ATP11A: variants seen among roughly 807,000 people sequenced by gnomAD.
ATP11A encodes the protein phospholipid-transporting ATPase IH.
Under a neutral mutation model 154.4 loss-of-function variants are expected in ATP11A, and 81 were observed. The ratio of observed to expected loss-of-function variants is 0.52; its 90% CI spans 0.44 to 0.63. The LOEUF is 0.63. Among genes scored for constraint, ATP11A ranks in the 30% least tolerant of loss-of-function variants. The pLI is 0.00. For synonymous variants in ATP11A, 623 were observed against 585.9 expected (o/e 1.06, Z -0.91); for missense variants, 1,316 against 1,474.3 (o/e 0.89, Z 1.76).
rs190445486 is a variant in ATP11A at position 112,711,964 on chromosome 13, C to T, written c.39+21509C>T. Among the ~76,000 whole-genome samples the T allele has an allele frequency of 1.4e-4, 22 of 152,334 alleles. No homozygotes were observed. In the East Asian group the frequency reaches 4.0e-3, roughly 28 times the overall value. ...TTAGTTAATTAACATTCCTAGGAAT[C>T]TGAGGCTCCTTCTCCCAGCCCTGTT... is the stretch of plus-strand genomic sequence containing the variant. On this transcript the variant is annotated intron_variant, in intron 1 of 29. Coordinates refer to ENST00000375645, the MANE Select transcript of ATP11A (RefSeq NM_015205.3).
chr13:112,783,786 A>G (rs983502118), intron 1 of ATP11A, among the ~76,000 whole-genome samples: 1 of 152,234 alleles, frequency 6.6e-6, no homozygotes, highest in Non-Finnish European at 1.5e-5. Context: ...TACGAGCTAA[A>G]GTATTTTTGT....
chr13:112,722,971 A>T (rs1411222638), intron 1 of ATP11A, among the ~76,000 whole-genome samples: 2 of 152,070 alleles, frequency 1.3e-5, no homozygotes, highest in African/African-American at 4.8e-5. Context: ...AGATTCTTTA[A>T]TTTGCAGTTG....
rs1342147621 is a variant in ATP11A, at chr13:112,881,128, C to T, written c.*10-748C>T. ...GACATGGAGGCCATGAAGACATCTG[C>T]TCCTGCCAGCATCCGCCGCTGCCCC... On this transcript the variant is annotated intron_variant, in intron 29 of 29. Coordinates refer to ENST00000375645, the MANE Select transcript of ATP11A (RefSeq NM_015205.3). The T allele has an allele frequency of 4.0e-6, 4 of 987,872 alleles. No individual in the cohort carries two copies. In the African/African-American group the frequency reaches 7.0e-5, roughly 17 times the overall value. The allele number at this position is 987,872 out of a possible 1,614,324, so 61.2% of individuals were successfully genotyped here. A position where few individuals can be genotyped will look rare whatever the true frequency, so the allele number is the denominator to read the frequency against.
Position 112,834,610 on chromosome 13 carries a change from G to A in ATP11A, c.1581G>A (p.Arg527=), listed in dbSNP as rs2079182399. The stretch of plus-strand genomic sequence containing the variant: ...GCAGACTTGGCTTTACCTACCTAAG[G>A]CTGAAGGACAATTACATGGAGATAT... ...GVQRLGFTYL[R]LKDNYMEILN... is the part of the protein sequence containing the mutation. Residue 527 remains arginine (R), a synonymous_variant, in exon 15 of 30, where the codon AGG becomes AGA. Transcript: ENST00000375645. The A allele has an allele frequency of 1.2e-6, 2 of 1,613,970 alleles. No homozygotes were observed. The highest frequency in any genetic ancestry group is 1.7e-6 in the Non-Finnish European group (2 of 1,179,872).
chr13:112,744,082 T>C (rs566586461), intron 1 of ATP11A, among the ~76,000 whole-genome samples: 2 of 152,354 alleles, frequency 1.3e-5, no homozygotes, highest in East Asian at 3.9e-4. Context: ...AGTGGGCCAC[T>C]TGCCTCTTTC....
intron 1 of ATP11A, among the ~76,000 whole-genome samples, chr13:112,767,809 G>C (rs1192021854): frequency 1.3e-5 from 2 of 152,132 alleles, no homozygotes; most frequent in Non-Finnish European, 2.9e-5. Flanking sequence ...TGCGTCTGTG[G>C]TGGTGGGCTT....
chr13:112,741,535 G>A (rs930779263), intron 1 of ATP11A, among the ~76,000 whole-genome samples: 4 of 152,190 alleles, frequency 2.6e-5, no homozygotes, highest in African/African-American at 9.7e-5. Flanking sequence ...CAGGCTGCCC[G>A]TTGCATCAGC....
chr13:112,723,422 C>T, intron 1 of ATP11A, among the ~76,000 whole-genome samples: 1 of 143,654 alleles, frequency 7.0e-6, no homozygotes, highest in Non-Finnish European at 1.5e-5. Flanking sequence ...CAGGCACACA[C>T]CACCACACCT....
intron 1 of ATP11A, among the ~76,000 whole-genome samples, chr13:112,708,846 G>A (rs1887443244): frequency 6.6e-6 from 1 of 152,214 alleles, no homozygotes; most frequent in Admixed American, 6.5e-5. Flanking sequence ...AGGGGGAGGG[G>A]GAGTTTGTGC....
At chr13:112,721,464 G>A (rs1889171108) in intron 1 of ATP11A, among the ~76,000 whole-genome samples, 1 of 152,238 alleles carries the variant, frequency 6.6e-6, no homozygotes, top group South Asian at 2.1e-4. Flanking sequence ...ACTCCAGGCA[G>A]GGCCCAGAGG....
chr13:112,833,227 G>T (rs1314202034), intron 14 of ATP11A, among the ~76,000 whole-genome samples: 3 of 152,114 alleles, frequency 2.0e-5, no homozygotes, highest in South Asian at 2.1e-4. Context: ...TCTGGTCCCC[G>T]GCGCGTGAGT....
chr13:112,787,722 A>T (rs1290918514), intron 2 of ATP11A, among the ~76,000 whole-genome samples: 4 of 150,566 alleles, frequency 2.7e-5, no homozygotes, highest in Admixed American at 6.6e-5. Context: ...GACCTACTTA[A>T]TCCACACCGG....
At chr13:112,714,210 C>G (rs976133833) in intron 1 of ATP11A, among the ~76,000 whole-genome samples, 7 of 150,298 alleles carry the variant, frequency 4.7e-5, no homozygotes, top group African/African-American at 7.4e-5. Context: ...CTGTCTTGCA[C>G]CCGCTCTCTT....
At position 112,728,291 on chromosome 13, in the gene ATP11A, C is replaced by T. The variant is rs144815721; in HGVS notation, c.39+37836C>T. Among the ~76,000 whole-genome samples, 825 of 152,004 alleles carry T rather than the reference C, an allele frequency of 5.4e-3. 7 individuals are homozygous for T. The highest frequency in any genetic ancestry group is 0.018 in the African/African-American group (742 of 41,448). ...GTGTTACCTGTATGTACCACGTTGTCAGTATCCACGCGTGGATGGGCCATG... is the reference window on the plus strand; with the variant it reads ...GTGTTACCTGTATGTACCACGTTGTTAGTATCCACGCGTGGATGGGCCATG... On this transcript the variant is annotated intron_variant, in intron 1 of 29. Coordinates refer to ENST00000375645, the MANE Select transcript of ATP11A (RefSeq NM_015205.3).
chr13:112,857,772 A>G, intron 20 of ATP11A, 46 bp from the exon 21 acceptor site: 5 of 1,486,722 alleles, frequency 3.4e-6, no homozygotes, highest in Non-Finnish European at 4.7e-6. Flanking sequence ...TAACCTGTTC[A>G]GAAGTGAAAC....
In ATP11A at chr13:112,733,958, A is replaced by G. The variant is rs370200849; in HGVS notation, c.39+43503A>G. Among the ~76,000 whole-genome samples, 34 of 152,304 alleles carry G rather than the reference A, an allele frequency of 2.2e-4. No individual in the cohort carries two copies. The East Asian group carries it at 6.2e-3, about 28-fold the overall frequency. The stretch of plus-strand genomic sequence containing the variant: ...TTTCCAATCTTAAATTAGCAGTTCT[A>G]TGTTTCACTGATCGGTCATTTGTCA... On this transcript the variant is annotated intron_variant, in intron 1 of 29. Coordinates refer to ENST00000375645, the MANE Select transcript of ATP11A (RefSeq NM_015205.3).
chr13:112,842,870 C>A (rs1289285368), intron 17 of ATP11A, among the ~76,000 whole-genome samples: 2 of 152,266 alleles, frequency 1.3e-5, no homozygotes, highest in Non-Finnish European at 2.9e-5. Flanking sequence ...TATAGCACCG[C>A]CCAGCAGCCC....
chr13:112,742,569 G>A (rs997614936), intron 1 of ATP11A, among the ~76,000 whole-genome samples: 2 of 152,218 alleles, frequency 1.3e-5, no homozygotes, highest in Non-Finnish European at 2.9e-5. Context: ...TTGCTCAGCT[G>A]TGTAAAAATG....
chr13:112,762,839 G>A lies in ATP11A; in HGVS notation c.40-22296G>A, dbSNP rs528039795. 5.1e-4 allele frequency among the ~76,000 whole-genome samples: 78 copies of A among 152,334 alleles called. 1 individual carries two copies. In the South Asian group the frequency reaches 6.8e-3, roughly 13 times the overall value. On this transcript the variant is annotated intron_variant, in intron 1 of 29. Transcript: ENST00000375645. The stretch of plus-strand genomic sequence containing the variant: ...GCCCTCCAGGAGTGGCGTGGAGGCC[G>A]GGGCACTCAGTCACGTGTGTGCCGG...
Sources: gnomAD v4.1 joint callset for allele counts (sites outside exome capture counted in the v4.1 genomes callset) on GRCh38, gnomAD v4.1.1 for gene constraint, MANE v1.5 for transcripts, NCBI Gene and HGNC (gene_info 2026-07-23, HGNC 2026-07-21) for gene names.